The following AUTS2 variants were observed in gnomAD, a reference collection of about 807,000 sequenced individuals.
AUTS2 encodes activator of transcription and developmental regulator AUTS2.
AUTS2 carries 17 observed loss-of-function variants against 112.4 expected under a neutral mutation model. The ratio of observed to expected loss-of-function variants is 0.15; its 90% confidence interval spans 0.10 to 0.23. The LOEUF (loss-of-function observed/expected upper bound fraction) is 0.23, where lower values mean the gene tolerates loss of function less well. Ranked by LOEUF, AUTS2 falls within the 10% of genes least tolerant of loss-of-function variation. The probability of loss-of-function intolerance (pLI) is 1.00; values close to 1 mark genes in which losing one functional copy is unlikely to be tolerated. For synonymous variants in AUTS2, 751 were observed against 702.7 expected (o/e 1.07, Z -1.09); for missense variants, 1,510 against 1,701.6 (o/e 0.89, Z 1.98).
chr7:70,103,684 A>C (rs1391496522), intron 2 of AUTS2, among the ~76,000 whole-genome samples: 1 of 152,074 alleles, frequency 6.6e-6, no homozygotes, highest in African/African-American at 2.4e-5. Context: ...AGGTGGGTAG[A>C]TCACGAGGTC....
At chr7:70,447,457 A>G (rs1408405465) in intron 5 of AUTS2, among the ~76,000 whole-genome samples, 1 of 152,256 alleles carries the variant, frequency 6.6e-6, no homozygotes, top group Admixed American at 6.5e-5. Context: ...TGTGCTATAC[A>G]TATGTTGACT....
At chr7:69,745,520 A>G (rs1291020634) in intron 1 of AUTS2, among the ~76,000 whole-genome samples, 1 of 152,220 alleles carries the variant, frequency 6.6e-6, no homozygotes, top group East Asian at 1.9e-4. Flanking sequence ...GAAGTGTACA[A>G]TTTTTCTTCT....
At chr7:70,547,088 G>T (rs967849825) in intron 5 of AUTS2, among the ~76,000 whole-genome samples, 5 of 152,044 alleles carry the variant, frequency 3.3e-5, no homozygotes, top group Admixed American at 6.5e-5. Context: ...TGTAACTATT[G>T]CCACAATTCA....
chr7:70,558,082 T>C (rs1228971363), intron 5 of AUTS2, among the ~76,000 whole-genome samples: 1 of 152,052 alleles, frequency 6.6e-6, no homozygotes, highest in Non-Finnish European at 1.5e-5. Context: ...ATTCCACAAG[T>C]ATTCTTCCTG....
chr7:70,541,368 CATTT>C (rs1800546992), intron 5 of AUTS2, among the ~76,000 whole-genome samples: 1 of 152,168 alleles, frequency 6.6e-6, no homozygotes, highest in Admixed American at 6.5e-5. Flanking sequence ...AAGGGTCGTT[CATTT>C]ATTTCAAGTT....
chr7:70,059,993 A>G (rs960637802), intron 2 of AUTS2, among the ~76,000 whole-genome samples: 1 of 152,184 alleles, frequency 6.6e-6, no homozygotes, highest in Non-Finnish European at 1.5e-5. Flanking sequence ...AATTTTTTCT[A>G]CAGGTGGTGC....
chr7:70,424,751 A>G (rs913555773), intron 4 of AUTS2, among the ~76,000 whole-genome samples: 1 of 151,894 alleles, frequency 6.6e-6, no homozygotes, highest in Non-Finnish European at 1.5e-5. Context: ...CATACCTGCT[A>G]ATTTTAAAAT....
rs1016961635 is a variant in AUTS2, at chr7:70,792,281, T to C, written c.*1285T>C. On this transcript the variant is annotated 3_prime_UTR_variant, in exon 19 of 19. Coordinates refer to ENST00000342771, the MANE Select transcript of AUTS2 (RefSeq NM_015570.4). Reference sequence around the variant, plus strand: ...TTGTGTGTGAGTGTGTTTTTTGAGTTTGCATCAATCTTAATGTCTCTTCAT... The same window carrying C: ...TTGTGTGTGAGTGTGTTTTTTGAGTCTGCATCAATCTTAATGTCTCTTCAT... 2.6e-5 allele frequency: 4 copies of C among 152,508 alleles called. No individual in the cohort carries two copies. The highest frequency in any genetic ancestry group is 7.2e-5 in the African/African-American group (3 of 41,434). 9.4% of individuals were successfully genotyped at this position (152,508 alleles called of 1,614,324 possible). A position where few individuals can be genotyped will look rare whatever the true frequency, so the allele number is the denominator to read the frequency against.
chr7:69,648,333 A>G (rs899534298), intron 1 of AUTS2, among the ~76,000 whole-genome samples: 8 of 152,140 alleles, frequency 5.3e-5, no homozygotes, highest in Non-Finnish European at 1.2e-4. Flanking sequence ...GAAGTAAAAC[A>G]TTACCAGTAC....
chr7:70,530,280 C>T (rs1028031913), intron 5 of AUTS2, among the ~76,000 whole-genome samples: 4 of 152,098 alleles, frequency 2.6e-5, no homozygotes, highest in African/African-American at 9.7e-5. Flanking sequence ...GCTTATGAAG[C>T]TTATGGTTCA....
In AUTS2 at chr7:70,086,434, G is replaced by C. The variant is rs191308731; in HGVS notation, c.523-31698G>C. ...AGGCAGGTGGATCACCTGAGGTCAGGAGTTCAAGACCAGCCTGGCCAACAT... is the reference window on the plus strand; with the variant it reads ...AGGCAGGTGGATCACCTGAGGTCAGCAGTTCAAGACCAGCCTGGCCAACAT... On this transcript the variant is annotated intron_variant, in intron 2 of 18. Transcript: ENST00000342771. 3.6e-3 allele frequency among the ~76,000 whole-genome samples: 542 copies of C among 152,168 alleles called. 3 individuals are homozygous for C. Among genetic ancestry groups the C allele is most frequent in the Middle Eastern group, 0.02 (6 of 294 alleles).
At chr7:70,645,665 AGC>A (rs1806121102) in intron 5 of AUTS2, among the ~76,000 whole-genome samples, 2 of 152,126 alleles carry the variant, frequency 1.3e-5, no homozygotes, top group Admixed American at 6.5e-5. Flanking sequence ...CTGACAGCGC[AGC>A]TTTTAATCTG....
intron 5 of AUTS2, among the ~76,000 whole-genome samples, chr7:70,666,972 TAAAAAAAAA>T (rs5884791): frequency 1.5e-5 from 2 of 135,676 alleles, no homozygotes; most frequent in South Asian, 4.9e-4. Context: ...GCCGTCTTCT[TAAAAAAAAA>T]AAAAAAAAAA....
chr7:70,231,253 C>T (rs560372882), intron 4 of AUTS2, among the ~76,000 whole-genome samples: 6 of 152,292 alleles, frequency 3.9e-5, no homozygotes, highest in Non-Finnish European at 7.4e-5. Context: ...AAAGTACACT[C>T]TTGAGTATAC....
At chr7:69,802,542 G>A (rs1584267342) in intron 1 of AUTS2, among the ~76,000 whole-genome samples, 1 of 152,152 alleles carries the variant, frequency 6.6e-6, no homozygotes, top group South Asian at 2.1e-4. Context: ...ATTAGGTAAT[G>A]AAATGTTATC....
chr7:70,162,273 C>T (rs1221954199), intron 4 of AUTS2, among the ~76,000 whole-genome samples: 4 of 149,880 alleles, frequency 2.7e-5, no homozygotes, highest in Admixed American at 6.6e-5. Context: ...GGTGAAACCC[C>T]GTCTCTACTA....
chr7:70,664,168 C>A (rs556962851), intron 5 of AUTS2, among the ~76,000 whole-genome samples: 7 of 152,330 alleles, frequency 4.6e-5, no homozygotes, highest in Non-Finnish European at 8.8e-5. Context: ...AAGAGAAAGA[C>A]CCCTGGAAAC....
At chr7:70,152,388 G>C (rs1026062380) in intron 4 of AUTS2, among the ~76,000 whole-genome samples, 2 of 149,514 alleles carry the variant, frequency 1.3e-5, no homozygotes, top group African/African-American at 2.4e-5. Context: ...CCAGGAAATA[G>C]TAAAAAGACA....
At position 69,750,958 on chromosome 7, in the gene AUTS2, G is replaced by A. The variant is rs541646695; in HGVS notation, c.310-148328G>A. 4.9e-4 allele frequency among the ~76,000 whole-genome samples: 75 copies of A among 152,136 alleles called. 1 individual carries two copies. The highest frequency in any genetic ancestry group is 1.8e-3 in the African/African-American group (73 of 41,526). On this transcript the variant is annotated intron_variant, in intron 1 of 18. Transcript: ENST00000342771. Reference sequence around the variant, plus strand: ...CCATCAGAGGTATGGAAGAAGAAAAGGAGAAGGGCATTGGAAAATAAGGAG... The same window carrying A: ...CCATCAGAGGTATGGAAGAAGAAAAAGAGAAGGGCATTGGAAAATAAGGAG...
Sources: gnomAD v4.1 joint callset for allele counts (sites outside exome capture counted in the v4.1 genomes callset) on GRCh38, gnomAD v4.1.1 for gene constraint, MANE v1.5 for transcripts, NCBI Gene and HGNC (gene_info 2026-07-23, HGNC 2026-07-21) for gene names.